GRIN2B: variants seen among roughly 807,000 people sequenced by gnomAD.
The protein encoded by GRIN2B is glutamate receptor ionotropic, NMDA 2B.
Under a neutral mutation model 114.5 loss-of-function variants are expected in GRIN2B, and 5 were observed. That is an observed-to-expected ratio of 0.04 (90% CI 0.02 to 0.09). The LOEUF is 0.09. GRIN2B is among the 10% of genes least tolerant of loss of function. The probability of loss-of-function intolerance (pLI) is 1.00; values close to 1 mark genes in which losing one functional copy is unlikely to be tolerated. For synonymous variants in GRIN2B, 787 were observed against 745.1 expected, an observed-to-expected ratio of 1.06 and a Z score of -0.92; for missense variants, 1,108 against 1,943.5, an observed-to-expected ratio of 0.57 and a Z score of 8.08.
At chr12:13,633,841 C>A (rs1271654528) in intron 5 of GRIN2B, among the ~76,000 whole-genome samples, 3 of 152,094 alleles carry the variant, frequency 2.0e-5, no homozygotes, top group Non-Finnish European at 4.4e-5. Flanking sequence ...GCACCCACCC[C>A]CAAACCCACC....
intron 3 of GRIN2B, among the ~76,000 whole-genome samples, chr12:13,833,775 A>G (rs74575490): frequency 1.3e-5 from 2 of 152,144 alleles, no homozygotes; most frequent in African/African-American, 4.8e-5. Flanking sequence ...CCAGAGCATA[A>G]GGGACTTTTC....
chr12:13,838,823 T>A (rs980371018), intron 3 of GRIN2B, among the ~76,000 whole-genome samples: 3 of 152,188 alleles, frequency 2.0e-5, no homozygotes, highest in Non-Finnish European at 2.9e-5. Context: ...TAGAGGAAAC[T>A]ACCAGCTTGC....
Position 13,563,953 on chromosome 12 carries a change from C to G in GRIN2B, c.3285G>C (p.Ser1095=), listed in dbSNP as rs200058641. Residue 1095 remains serine, a synonymous_variant, in exon 14 of 14, where the codon TCG becomes TCC. Transcript: ENST00000609686. ...CGTCAAACTCCCTGCGGGACTTGGCCGAGGCAGGCCGCTTCTTCAGGCTGT... is the reference window on the plus strand; with the variant it reads ...CGTCAAACTCCCTGCGGGACTTGGCGGAGGCAGGCCGCTTCTTCAGGCTGT... ...YKDSLKKRPA[S]AKSRREFDEI... 3 of 1,614,188 alleles carry G rather than the reference C, an allele frequency of 1.9e-6. No individual in the cohort carries two copies. Among genetic ancestry groups the G allele is most frequent in the South Asian group, 2.2e-5 (2 of 91,084 alleles).
chr12:13,676,691 G>A (rs1249786853), intron 4 of GRIN2B, among the ~76,000 whole-genome samples: 2 of 152,130 alleles, frequency 1.3e-5, no homozygotes, highest in East Asian at 3.9e-4. Flanking sequence ...GGAGCCTAGA[G>A]TCTCCCTCTA....
At chr12:13,909,427 G>T (rs2136797073) in intron 2 of GRIN2B, among the ~76,000 whole-genome samples, 1 of 152,350 alleles carries the variant, frequency 6.6e-6, no homozygotes, top group South Asian at 2.1e-4. Flanking sequence ...ATAGGGCCGT[G>T]TGTCCTAGTG....
At chr12:13,936,711 C>A (rs571257383) in intron 2 of GRIN2B, among the ~76,000 whole-genome samples, 2 of 152,138 alleles carry the variant, frequency 1.3e-5, no homozygotes, top group Admixed American at 6.5e-5. Flanking sequence ...AGATTTTGGA[C>A]TTGGCATGTG....
chr12:13,692,878 C>G (rs1391629877), intron 4 of GRIN2B, among the ~76,000 whole-genome samples: 1 of 145,582 alleles, frequency 6.9e-6, no homozygotes, highest in Non-Finnish European at 1.5e-5. Flanking sequence ...AAGTGATTCT[C>G]CTGCCTCAGC....
At position 13,549,658 on chromosome 12, in the gene GRIN2B, G is replaced by A. The variant is rs1347708197; in HGVS notation, c.*13125C>T. 6.6e-6 allele frequency: 1 copy of A among 151,896 alleles called. No homozygotes were observed. The highest frequency in any genetic ancestry group is 1.5e-5 in the Non-Finnish European group (1 of 67,972). The allele number at this position is 151,896 out of a possible 1,614,324, so 9.4% of individuals were successfully genotyped here. A position where few individuals can be genotyped will look rare whatever the true frequency, so the allele number is the denominator to read the frequency against. On this transcript the variant is annotated 3_prime_UTR_variant, in exon 14 of 14. Coordinates refer to ENST00000609686, the MANE Select transcript of GRIN2B (RefSeq NM_000834.5). ...ATCCTCTGTCCCAGTTTATTCTTGA[G>A]TTTTTTATTTATGTGGATTACATGC...
intron 2 of GRIN2B, among the ~76,000 whole-genome samples, chr12:13,900,779 C>T (rs1281164687): frequency 1.3e-5 from 2 of 152,142 alleles, no homozygotes; most frequent in African/African-American, 2.4e-5. Flanking sequence ...CACTTAGAAT[C>T]ATACCATATG....
chr12:13,943,103 G>A (rs754385609), intron 2 of GRIN2B, among the ~76,000 whole-genome samples: 7 of 152,038 alleles, frequency 4.6e-5, no homozygotes, highest in Non-Finnish European at 8.8e-5. Flanking sequence ...CACTGCTCCC[G>A]TCTGATAAGA....
chr12:13,708,371 C>T (rs1052848580), intron 4 of GRIN2B, among the ~76,000 whole-genome samples: 5 of 152,008 alleles, frequency 3.3e-5, no homozygotes, highest in African/African-American at 1.2e-4. Flanking sequence ...ACCAGTGAGG[C>T]CACTCTAACG....
intron 2 of GRIN2B, among the ~76,000 whole-genome samples, chr12:13,971,935 A>G (rs1323110059): frequency 2.0e-5 from 3 of 152,138 alleles, no homozygotes; most frequent in Non-Finnish European, 4.4e-5. Flanking sequence ...TCATATCCCA[A>G]CAGCATTTTT....
At chr12:13,963,301 C>T (rs187503313) in intron 2 of GRIN2B, among the ~76,000 whole-genome samples, 1 of 152,146 alleles carries the variant, frequency 6.6e-6, no homozygotes, top group South Asian at 2.1e-4. Flanking sequence ...CCTAGGCACT[C>T]GGTTTCATAC....
At chr12:13,796,632 G>C (rs1256209580) in intron 3 of GRIN2B, among the ~76,000 whole-genome samples, 1 of 152,170 alleles carries the variant, frequency 6.6e-6, no homozygotes, top group African/African-American at 2.4e-5. Flanking sequence ...AAACCTTTGT[G>C]AGATAAACAG....
chr12:13,899,389 G>GCATATGATCTCACATGCTATATCTCTAA (rs1866406977), intron 2 of GRIN2B, among the ~76,000 whole-genome samples: 8 of 146,596 alleles, frequency 5.5e-5, no homozygotes, highest in Non-Finnish European at 6.3e-5. Context: ...AAAAGGAAGT[G>GCATATGATCTCACATGCTATATCTCTAA]GGTCAGTGTC....
At chr12:13,747,581 G>T (rs1013441907) in intron 4 of GRIN2B, among the ~76,000 whole-genome samples, 2 of 152,124 alleles carry the variant, frequency 1.3e-5, no homozygotes, top group South Asian at 2.1e-4. Context: ...ATTAAAATGT[G>T]CATTTTTGTG....
chr12:13,621,487 A>G (rs1039770575), intron 5 of GRIN2B, among the ~76,000 whole-genome samples: 2 of 152,090 alleles, frequency 1.3e-5, no homozygotes, highest in Admixed American at 6.5e-5. Flanking sequence ...AAACATCATT[A>G]CCATAAGCAC....
chr12:13,949,166 G>C (rs1380286170), intron 2 of GRIN2B, among the ~76,000 whole-genome samples: 1 of 152,134 alleles, frequency 6.6e-6, no homozygotes, highest in Non-Finnish European at 1.5e-5. Context: ...TCCACTGCCT[G>C]AAGAACCCAT....
chr12:13,665,830 C>T (rs768905939), intron 5 of GRIN2B, among the ~76,000 whole-genome samples: 8 of 152,100 alleles, frequency 5.3e-5, no homozygotes, highest in Non-Finnish European at 8.8e-5. Context: ...ATGTCTTTCC[C>T]AGATCCTATA....
Sources: gnomAD v4.1 joint callset for allele counts (sites outside exome capture counted in the v4.1 genomes callset) on GRCh38, gnomAD v4.1.1 for gene constraint, MANE v1.5 for transcripts, NCBI Gene and HGNC (gene_info 2026-07-23, HGNC 2026-07-21) for gene names.